MID1: variants seen among roughly 807,000 people sequenced by gnomAD.
MID1 encodes E3 ubiquitin-protein ligase Midline-1.
A neutral mutation model predicts 40.4 loss-of-function variants in MID1; 7 were observed. That is an observed-to-expected ratio of 0.17 (90% CI 0.10 to 0.33). The LOEUF is 0.33. Among genes scored for constraint, MID1 ranks in the 10% least tolerant of loss-of-function variants. MID1 has a pLI of 1.00. For missense variants in MID1, 367 were observed against 558.5 expected, an observed-to-expected ratio of 0.66 and a Z score of 3.46; for synonymous variants, 229 against 221.2, an observed-to-expected ratio of 1.04 and a Z score of -0.31.
At chrX:10,500,232 T>G (rs1931472979) in intron 3 of MID1, among the ~76,000 whole-genome samples, 1 of 112,149 alleles carries the variant, frequency 8.9e-6, no homozygotes, top group African/African-American at 3.2e-5. Context: ...AGAATGGATA[T>G]GTTTGCTTTA....
At chrX:10,535,393 C>T (rs1318070804) in intron 2 of MID1, among the ~76,000 whole-genome samples, 1 of 111,785 alleles carries the variant, frequency 8.9e-6, no homozygotes, top group East Asian at 2.8e-4. Flanking sequence ...TGTAATGCAG[C>T]TTATATGTAT....
chrX:10,713,383 G>A (rs1435613470), intron 1 of MID1, among the ~76,000 whole-genome samples: 1 of 108,724 alleles, frequency 9.2e-6, no homozygotes, highest in African/African-American at 3.4e-5. Context: ...GAGTGCAGTG[G>A]CACCATCATG....
intron 1 of MID1, among the ~76,000 whole-genome samples, chrX:10,637,792 T>G (rs1025258921): frequency 3.6e-5 from 4 of 111,474 alleles, no homozygotes; most frequent in Admixed American, 2.9e-4. Flanking sequence ...AGCAGCTATT[T>G]GGAAGTACAA....
intron 1 of MID1, among the ~76,000 whole-genome samples, chrX:10,802,422 GA>G (rs2044015004): frequency 9.0e-6 from 1 of 110,927 alleles, no homozygotes; most frequent in African/African-American, 3.3e-5. Flanking sequence ...CAACAAACGT[GA>G]AAAAAATGCT....
At chrX:10,529,814 T>C (rs951510083) in intron 2 of MID1, among the ~76,000 whole-genome samples, 1 of 111,557 alleles carries the variant, frequency 9.0e-6, no homozygotes, top group Non-Finnish European at 1.9e-5. Context: ...CATTGCTTAG[T>C]CCCTTCCCAC....
intron 2 of MID1, among the ~76,000 whole-genome samples, chrX:10,524,774 A>C (rs747268702): frequency 1.7e-4 from 19 of 112,269 alleles, no homozygotes; most frequent in African/African-American, 6.1e-4. Flanking sequence ...GGTTTCCAAG[A>C]GGGCCAAGTC....
At chrX:10,598,245 GAA>G (rs1302647754) in intron 1 of MID1, among the ~76,000 whole-genome samples, 1 of 112,232 alleles carries the variant, frequency 8.9e-6, no homozygotes, top group East Asian at 2.8e-4. Context: ...AGAAGAGGAA[GAA>G]AAAGTCACAA....
chrX:10,796,413 G>GT (rs60292194), intron 1 of MID1, among the ~76,000 whole-genome samples: 70 of 86,478 alleles, frequency 8.1e-4, no homozygotes, highest in Middle Eastern at 7.0e-3. Context: ...AGAAAATTCA[G>GT]TTTTTTTTTT....
At chrX:10,818,105 TA>T (rs2044152224) in intron 1 of MID1, among the ~76,000 whole-genome samples, 1 of 112,523 alleles carries the variant, frequency 8.9e-6, no homozygotes, top group African/African-American at 3.2e-5. Flanking sequence ...ATATATTTCT[TA>T]AATGACTAAC....
rs775594849 is a variant in MID1 at position 10,716,509 on chromosome X, A to G, written c.-186-96090T>C. 2.1e-4 allele frequency among the ~76,000 whole-genome samples: 23 copies of G among 112,049 alleles called. No individual in the cohort carries two copies. In the South Asian group the frequency reaches 8.3e-3, roughly 40 times the overall value. On this transcript the variant is annotated intron_variant, in intron 1 of 10. Transcript: ENST00000380785. ...AGTTTAGAGAAAAAAGAATAAAAAGAAATGAACAAAGCCTCCAAGAAACAT... is the reference window on the plus strand; with the variant it reads ...AGTTTAGAGAAAAAAGAATAAAAAGGAATGAACAAAGCCTCCAAGAAACAT...
At chrX:10,528,367 A>C (rs1175638581) in intron 2 of MID1, among the ~76,000 whole-genome samples, 1 of 112,110 alleles carries the variant, frequency 8.9e-6, no homozygotes, top group Non-Finnish European at 1.9e-5. Flanking sequence ...CTTATGACAC[A>C]TCTCAACTCA....
intron 3 of MID1, among the ~76,000 whole-genome samples, chrX:10,498,886 T>C (rs775137547): frequency 8.9e-6 from 1 of 112,219 alleles, no homozygotes; most frequent in African/African-American, 3.2e-5. Context: ...CTAGTTTTTG[T>C]TCACTATAAA....
chrX:10,504,870 G>A (rs1931749728), intron 3 of MID1, among the ~76,000 whole-genome samples: 1 of 110,835 alleles, frequency 9.0e-6, no homozygotes, highest in South Asian at 3.8e-4. Context: ...AGCAGCCATA[G>A]ACAATACGGA....
intron 1 of MID1, among the ~76,000 whole-genome samples, chrX:10,761,710 AG>A (rs1200549456): frequency 1.8e-5 from 2 of 112,275 alleles, no homozygotes; most frequent in Non-Finnish European, 3.8e-5. Context: ...CCCCATGCCA[AG>A]CCCAGGTTAG....
intron 1 of MID1, among the ~76,000 whole-genome samples, chrX:10,595,967 AT>A (rs200866874): frequency 9.9e-5 from 11 of 111,646 alleles, no homozygotes; most frequent in Admixed American, 4.8e-4. Flanking sequence ...ATAAGTACAA[AT>A]TTTTTTTAAA....
At chrX:10,575,117 C>T (rs1311369057) in intron 1 of MID1, among the ~76,000 whole-genome samples, 6 of 112,573 alleles carry the variant, frequency 5.3e-5, no homozygotes, top group Non-Finnish European at 1.1e-4. Context: ...TCCTAAATTT[C>T]AGAAACGAAA....
intron 3 of MID1, among the ~76,000 whole-genome samples, chrX:10,513,237 T>C (rs1284488451): frequency 8.9e-6 from 1 of 112,517 alleles, no homozygotes; most frequent in African/African-American, 3.2e-5. Context: ...TGGAAGACAA[T>C]TTTATGTTCA....
chrX:10,581,823 C>T (rs1935026305), intron 1 of MID1, among the ~76,000 whole-genome samples: 1 of 111,346 alleles, frequency 9.0e-6, no homozygotes, highest in South Asian at 3.8e-4. Context: ...TGTTCATTAC[C>T]ACTGATCTCC....
chrX:10,671,095 A>G, intron 1 of MID1, among the ~76,000 whole-genome samples: 2 of 112,111 alleles, frequency 1.8e-5, no homozygotes, highest in South Asian at 7.5e-4. Context: ...ACTGATAGCC[A>G]GGCTTCTACA....
Sources: gnomAD v4.1 joint callset for allele counts (sites outside exome capture counted in the v4.1 genomes callset) on GRCh38, gnomAD v4.1.1 for gene constraint, MANE v1.5 for transcripts, NCBI Gene and HGNC (gene_info 2026-07-23, HGNC 2026-07-21) for gene names.